The following DNAH14 variants were observed in gnomAD, a reference collection of about 807,000 sequenced individuals.
The protein encoded by DNAH14 is axonemal beta dynein heavy chain 14.
A neutral mutation model predicts 520.9 loss-of-function variants in DNAH14; 478 were observed. The observed-to-expected ratio is 0.92, with a 90% CI of 0.85 to 0.99. DNAH14 has a LOEUF of 0.99. DNAH14 is among the 50% of genes least tolerant of loss of function. The pLI, the probability that DNAH14 is intolerant of heterozygous loss-of-function variation, is 0.00. For missense variants in DNAH14, 4,831 were observed against 5,234.5 expected (o/e 0.92, Z 2.38); for synonymous variants, 1,581 against 1,757.2 (o/e 0.90, Z 2.51).
At chr1:225,174,145 A>T (rs1257081531) in intron 36 of DNAH14, among the ~76,000 whole-genome samples, 1 of 152,162 alleles carries the variant, frequency 6.6e-6, no homozygotes, top group Non-Finnish European at 1.5e-5. Flanking sequence ...TAGCATTAGG[A>T]GATATACCTA....
At chr1:225,191,710 A>T (rs1456799458) in intron 37 of DNAH14, among the ~76,000 whole-genome samples, 1 of 151,946 alleles carries the variant, frequency 6.6e-6, no homozygotes, top group Non-Finnish European at 1.5e-5. Context: ...GGTATTCCAT[A>T]GGTCTCTTGG....
Position 225,258,011 on chromosome 1 carries a change from T to C in DNAH14, c.6917T>C (p.Ile2306Thr), listed in dbSNP as rs566569441. 39 of 1,549,900 alleles carry C rather than the reference T, an allele frequency of 2.5e-5. No individual in the cohort carries two copies. In the African/African-American group the frequency reaches 3.4e-4, roughly 14 times the overall value. Residue 2306 changes from isoleucine to threonine, a missense_variant, in exon 45 of 86, where the codon ATA becomes ACA. Ile to Thr is a moderately conservative substitution (Grantham distance 89). Coordinates refer to ENST00000682510, the MANE Select transcript of DNAH14 (RefSeq NM_001367479.1). Reference sequence around the variant, plus strand: ...AGATCTGGCGGAAACTTCTTGAAGATAACAGAATGTGGAGAATGCATTAAT... The same window carrying C: ...AGATCTGGCGGAAACTTCTTGAAGACAACAGAATGTGGAGAATGCATTAAT... ...LQRSGGNFLK[I>T]TECGECINYT...
chr1:225,281,167 G>C (rs2093620146), intron 54 of DNAH14, among the ~76,000 whole-genome samples: 1 of 152,140 alleles, frequency 6.6e-6, no homozygotes, highest in Non-Finnish European at 1.5e-5. Flanking sequence ...AACCCACTGG[G>C]CCAAAATTAA....
chr1:225,347,750 T>C (rs2095308422), intron 71 of DNAH14, among the ~76,000 whole-genome samples: 1 of 152,002 alleles, frequency 6.6e-6, no homozygotes, highest in Admixed American at 6.6e-5. Flanking sequence ...TACCAAAGAC[T>C]GGGAAAAGTG....
At position 225,290,641 on chromosome 1, in the gene DNAH14, G is replaced by GTATATATA. The variant is rs777422222; in HGVS notation, c.8469+560_8469+561insATATATAT. Among the ~76,000 whole-genome samples the GTATATATA allele has an allele frequency of 2.5e-3, 229 of 91,172 alleles. 13 individuals carry two copies. Among genetic ancestry groups the GTATATATA allele is most frequent in the African/African-American group, 7.1e-3 (176 of 24,810 alleles). 59.8% of individuals were successfully genotyped at this position (91,172 alleles called of 152,430 possible). On this transcript the variant is annotated intron_variant, in intron 55 of 85. Coordinates refer to ENST00000682510, the MANE Select transcript of DNAH14 (RefSeq NM_001367479.1). Reference sequence around the variant, plus strand: ...TGTGTGTATAGATATATGTGTGTGTGTGTGTGTATATATATATATATATAT... The same window carrying GTATATATA: ...TGTGTGTATAGATATATGTGTGTGTGTATATATATGTGTGTATATATATATATATATAT...
rs555985471 is a variant in DNAH14 at position 225,274,004 on chromosome 1, T to C, written c.8010+879T>C. On this transcript the variant is annotated intron_variant, in intron 52 of 85. Transcript: ENST00000682510. ...GGAAATATGAACATGTGTGCGAGTG[T>C]GTCTTTATGATAAAACGATTTATAT... is the stretch of plus-strand genomic sequence containing the variant. Among the ~76,000 whole-genome samples the C allele has an allele frequency of 2.5e-3, 388 of 152,278 alleles. 2 individuals carry two copies. Among genetic ancestry groups the C allele is most frequent in the Non-Finnish European group, 3.6e-3 (247 of 68,026 alleles).
At chr1:225,341,893 G>T (rs2095189623) in intron 69 of DNAH14, among the ~76,000 whole-genome samples, 1 of 152,058 alleles carries the variant, frequency 6.6e-6, no homozygotes, top group Non-Finnish European at 1.5e-5. Context: ...GAACTTGAAG[G>T]TTTCTCAAAC....
chr1:225,175,614 A>G (rs2083227140), intron 36 of DNAH14, among the ~76,000 whole-genome samples: 1 of 138,070 alleles, frequency 7.2e-6, no homozygotes, highest in Non-Finnish European at 1.6e-5. Context: ...TGTATTTTTT[A>G]CTCCCTATTC....
rs2148035792 is a variant in DNAH14, at chr1:225,023,761, C to T, written c.1254C>T (p.Leu418=). 1 of 1,550,818 alleles carries T rather than the reference C, an allele frequency of 6.4e-7. No homozygotes were observed. Among genetic ancestry groups the T allele is most frequent in the East Asian group, 2.5e-5 (1 of 40,774 alleles). Reference sequence around the variant, plus strand: ...TGGTTGACTACATATTTCAGGAACTCATTCGTCAACTTATGAACACTGCAG... The same window carrying T: ...TGGTTGACTACATATTTCAGGAACTTATTCGTCAACTTATGAACACTGCAG... ...VMLVDYIFQE[L]IRQLMNTAVT... Residue 418 remains leucine, a synonymous_variant, in exon 11 of 86, where the codon CTC becomes CTT. Transcript: ENST00000682510.
intron 11 of DNAH14, among the ~76,000 whole-genome samples, chr1:225,027,138 C>T (rs561088591): frequency 6.0e-5 from 9 of 151,162 alleles, no homozygotes; most frequent in Non-Finnish European, 8.8e-5. Flanking sequence ...TTTTATTATC[C>T]CTGATAGGTT....
At chr1:225,107,810 GC>G (rs2076195544) in intron 23 of DNAH14, among the ~76,000 whole-genome samples, 1 of 152,072 alleles carries the variant, frequency 6.6e-6, no homozygotes, top group African/African-American at 2.4e-5. Context: ...ATTTGTTATT[GC>G]CTGTCTTTTG....
chr1:225,307,677 T>G (rs2094276017), intron 59 of DNAH14, 108 bp downstream of exon 59: 1 of 836,408 alleles, frequency 1.2e-6, no homozygotes, highest in African/African-American at 1.8e-5. Context: ...ATTCCAGCTT[T>G]GTTACCCTAT....
intron 23 of DNAH14, among the ~76,000 whole-genome samples, chr1:225,104,826 C>CA (rs1413970470): frequency 2.6e-5 from 4 of 151,934 alleles, no homozygotes; most frequent in Non-Finnish European, 5.9e-5. Flanking sequence ...TTGATCTTTT[C>CA]AAAAAACCAG....
At position 225,305,090 on chromosome 1, in the gene DNAH14, G is replaced by T. The variant is rs1427669402; in HGVS notation, c.9005+1G>T. 2.0e-6 allele frequency: 3 copies of T among 1,522,204 alleles called. No homozygotes were observed. Among genetic ancestry groups the T allele is most frequent in the East Asian group, 2.5e-5 (1 of 40,334 alleles). 94.3% of individuals were successfully genotyped at this position (1,522,204 alleles called of 1,614,324 possible). On this transcript the variant is annotated splice_donor_variant, in intron 58 of 85. Coordinates refer to ENST00000682510, the MANE Select transcript of DNAH14 (RefSeq NM_001367479.1). LOFTEE classifies it high-confidence loss of function. ...GAGAGGAAGAGATGCAAACAAAGAGGTAAGACTTTGAGAACAAATCATAAA... is the reference window on the plus strand; with the variant it reads ...GAGAGGAAGAGATGCAAACAAAGAGTTAAGACTTTGAGAACAAATCATAAA...
Position 225,007,541 on chromosome 1 carries a change from A to G in DNAH14, c.1104A>G (p.Leu368=), listed in dbSNP as rs1403131518. 4.6e-6 allele frequency: 7 copies of G among 1,522,874 alleles called. No individual in the cohort carries two copies. The highest frequency in any genetic ancestry group is 1.4e-5 in the African/African-American group (1 of 72,014). The allele number at this position is 1,522,874 out of a possible 1,614,324, so 94.3% of individuals were successfully genotyped here. Reference sequence around the variant, plus strand: ...TTTCAGAGATGAAAAGTACTTTTCTAAAGGTAATTCTTTAATTATATCATA... The same window carrying G: ...TTTCAGAGATGAAAAGTACTTTTCTGAAGGTAATTCTTTAATTATATCATA... ...KAISEMKSTF[L]KVAEKNEIKE... The change falls in exon 10 of 86, where the codon CTA becomes CTG. Residue 368 remains leucine, a synonymous_variant. Transcript: ENST00000682510.
intron 1 of DNAH14, 89 bp from the exon 2 acceptor site, chr1:224,952,581 G>T (rs931819730): frequency 1.1e-5 from 7 of 639,478 alleles, no homozygotes; most frequent in Non-Finnish European, 1.7e-5. Context: ...TTGAGAAGCT[G>T]GGAACTATAT....
chr1:225,039,413 C>T (rs1425755378), intron 12 of DNAH14, among the ~76,000 whole-genome samples: 1 of 130,028 alleles, frequency 7.7e-6, no homozygotes, highest in Non-Finnish European at 1.8e-5. Flanking sequence ...TAGAATTGCC[C>T]CTAATATCTT....
chr1:224,996,519 C>T (rs1386321832), intron 8 of DNAH14, among the ~76,000 whole-genome samples: 1 of 152,072 alleles, frequency 6.6e-6, no homozygotes, highest in African/African-American at 2.4e-5. Flanking sequence ...TCTGAGTGGA[C>T]CAACTGGTAA....
chr1:225,082,789 C>A, intron 20 of DNAH14, 50 bp downstream of exon 20: 2 of 1,439,458 alleles, frequency 1.4e-6, no homozygotes, highest in Non-Finnish European at 1.9e-6. Flanking sequence ...CCAGATGGGC[C>A]AATTTTAAAT....
Sources: allele counts gnomAD v4.1 joint callset (sites outside exome capture counted in the v4.1 genomes callset), GRCh38; gene constraint gnomAD v4.1.1; transcripts MANE v1.5; gene names NCBI Gene and HGNC (gene_info 2026-07-23, HGNC 2026-07-21).